The following RNF182 variants were observed in gnomAD, a reference collection of about 807,000 sequenced individuals.
The protein encoded by RNF182 is E3 ubiquitin-protein ligase RNF182.
Under a neutral mutation model 14.4 loss-of-function variants are expected in RNF182, and 15 were observed. That is an observed-to-expected ratio of 1.04 (90% confidence interval 0.70 to 1.60). The LOEUF is 1.60. Ranked by LOEUF, RNF182 falls within the 40% of genes most tolerant of loss-of-function variation. The pLI is 0.00. For missense variants in RNF182, 268 were observed against 294.8 expected (o/e 0.91, Z 0.67); for synonymous variants, 128 against 122.9 (o/e 1.04, Z -0.27).
At chr6:13,976,788 T>C in intron 2 of RNF182, 121 bp from the exon 3 acceptor site, 1 of 275,968 alleles carries the variant, frequency 3.6e-6, no homozygotes, top group Non-Finnish European at 6.8e-6. Flanking sequence ...ATGAAGGGGA[T>C]TTAACCTTTT....
chr6:13,977,748 C>T lies in RNF182; in HGVS notation c.629C>T (p.Thr210Ile), dbSNP rs1335403354. 2 of 1,614,126 alleles carry T rather than the reference C, an allele frequency of 1.2e-6. No individual in the cohort carries two copies. Among genetic ancestry groups the T allele is most frequent in the Non-Finnish European group, 1.7e-6 (2 of 1,180,022 alleles). ...TACTTACTGGTGTCTAAGAAAGTCA[C>T]CCTTGGGGTCGTCTTTGTCAGCCTG... ...GIYLLVSKKV[T>I]LGVVFVSLVP... The change falls in exon 3 of 3, where the codon ACC becomes ATC. Residue 210 changes from threonine (T) to isoleucine (I), a missense_variant. Transcript: ENST00000488300.
Position 13,977,323 on chromosome 6 carries a change from G to A in RNF182, c.204G>A (p.Arg68=), listed in dbSNP as rs749900858. The A allele has an allele frequency of 4.3e-6, 7 of 1,614,094 alleles. No homozygotes were observed. The East Asian group carries it at 1.3e-4, about 31-fold the overall frequency. The part of the protein sequence containing the change: ...PQGVIVCPFC[R]FETCLPDDEV... ...GTGTCATTGTCTGTCCTTTCTGCAG[G>A]TTTGAGACGTGCCTGCCAGATGATG... is the stretch of plus-strand genomic sequence containing the variant. The change falls in exon 3 of 3, where the codon AGG becomes AGA. Residue 68 remains arginine (R), a synonymous_variant. Transcript: ENST00000488300.
Position 13,977,483 on chromosome 6 carries a change from T to C in RNF182, c.364T>C (p.Ser122Pro), listed in dbSNP as rs967958358. The C allele has an allele frequency of 6.2e-7, 1 of 1,613,994 alleles. No homozygotes were observed. Among genetic ancestry groups the C allele is most frequent in the African/African-American group, 1.3e-5 (1 of 74,906 alleles). Reference sequence around the variant, plus strand: ...GAGGCTGGCCTCTCTGGTCAGTCCTTCTCACACGTCCTCCAACTGCCTGGT... The same window carrying C: ...GAGGCTGGCCTCTCTGGTCAGTCCTCCTCACACGTCCTCCAACTGCCTGGT... ...PKRLASLVSPSHTSSNCLVIT... is the reference protein window; with the variant it reads ...PKRLASLVSPPHTSSNCLVIT... Residue 122 changes from serine to proline, a missense_variant, in exon 3 of 3, where the codon TCT becomes CCT. Physicochemically the swap from Ser to Pro is moderately conservative, Grantham distance 74. Coordinates refer to ENST00000488300, the MANE Select transcript of RNF182 (RefSeq NM_152737.4).
At chr6:13,936,081 T>A (rs1195839596) in intron 1 of RNF182, among the ~76,000 whole-genome samples, 1 of 152,110 alleles carries the variant, frequency 6.6e-6, no homozygotes, top group Non-Finnish European at 1.5e-5. Flanking sequence ...GCACACACTT[T>A]CAAAGAACCA....
chr6:13,954,959 G>A (rs1410056333), intron 1 of RNF182, among the ~76,000 whole-genome samples: 1 of 152,178 alleles, frequency 6.6e-6, no homozygotes, highest in Non-Finnish European at 1.5e-5. Flanking sequence ...CCCTCCCTTT[G>A]TTGTGTGAAG....
chr6:13,955,463 G>A (rs557232692), intron 1 of RNF182, among the ~76,000 whole-genome samples: 2 of 152,302 alleles, frequency 1.3e-5, no homozygotes, highest in African/African-American at 4.8e-5. Context: ...GTTTCAGAGT[G>A]GGTTATGTTC....
rs1284625000 is a variant in RNF182 at position 13,979,692 on chromosome 6, G to T, written c.*1829G>T. The T allele has an allele frequency of 6.0e-6, 1 of 166,570 alleles. No individual in the cohort carries two copies. The highest frequency in any genetic ancestry group is 2.4e-5 in the African/African-American group (1 of 41,390). 10.3% of individuals were successfully genotyped at this position (166,570 alleles called of 1,614,324 possible). On this transcript the variant is annotated 3_prime_UTR_variant, in exon 3 of 3. Coordinates refer to ENST00000488300, the MANE Select transcript of RNF182 (RefSeq NM_152737.4). ...TGGTTTGGATTTATATATTTGTAAG[G>T]TTTTTTTAAAAAAATGTTCGTTTTG... is the stretch of plus-strand genomic sequence containing the variant.
At chr6:13,958,279 G>T (rs1430955111) in intron 1 of RNF182, among the ~76,000 whole-genome samples, 2 of 152,026 alleles carry the variant, frequency 1.3e-5, no homozygotes, top group African/African-American at 2.4e-5. Context: ...CTAGCTACTT[G>T]GGAGGCTGAA....
intron 1 of RNF182, among the ~76,000 whole-genome samples, chr6:13,962,090 C>T (rs145377088): frequency 3.9e-5 from 6 of 152,282 alleles, no homozygotes; most frequent in African/African-American, 1.4e-4. Context: ...TGTTAATGCT[C>T]ACTAAGGGAT....
intron 1 of RNF182, among the ~76,000 whole-genome samples, chr6:13,972,559 G>A (rs1760217502): frequency 6.6e-6 from 1 of 152,076 alleles, no homozygotes; most frequent in South Asian, 2.1e-4. Flanking sequence ...CCGGACCTAG[G>A]GCCTTGCTGC....
chr6:13,961,787 A>G (rs1759890803), intron 1 of RNF182, among the ~76,000 whole-genome samples: 1 of 152,134 alleles, frequency 6.6e-6, no homozygotes. Flanking sequence ...GGGGGGAGGT[A>G]AGAGTTTTAA....
At chr6:13,956,310 T>A (rs1759728960) in intron 1 of RNF182, among the ~76,000 whole-genome samples, 1 of 151,802 alleles carries the variant, frequency 6.6e-6, no homozygotes, top group South Asian at 2.1e-4. Context: ...GACTGTTCTT[T>A]GCTTTTTTTT....
intron 1 of RNF182, among the ~76,000 whole-genome samples, chr6:13,942,303 T>C (rs1352193605): frequency 3.3e-5 from 5 of 152,166 alleles, no homozygotes; most frequent in African/African-American, 9.7e-5. Context: ...TGCTTGGGGA[T>C]CATAGAGGTT....
intron 1 of RNF182, among the ~76,000 whole-genome samples, chr6:13,950,806 A>ATTT (rs770225110): frequency 6.0e-5 from 9 of 148,766 alleles, no homozygotes; most frequent in Non-Finnish European, 1.0e-4. Flanking sequence ...CTCCCCCTTT[A>ATTT]TTTTTTTTGA....
intron 1 of RNF182, among the ~76,000 whole-genome samples, chr6:13,973,952 A>G (rs2113649342): frequency 6.6e-6 from 1 of 152,270 alleles, no homozygotes; most frequent in East Asian, 1.9e-4. Context: ...ACTGAACATC[A>G]TGATTGTTGT....
intron 1 of RNF182, among the ~76,000 whole-genome samples, chr6:13,935,054 G>A (rs1435014650): frequency 1.3e-5 from 2 of 152,196 alleles, no homozygotes; most frequent in African/African-American, 2.4e-5. Flanking sequence ...AGGACTTTGT[G>A]TAGAGATGGT....
At chr6:13,955,973 C>T (rs1759718896) in intron 1 of RNF182, among the ~76,000 whole-genome samples, 1 of 152,144 alleles carries the variant, frequency 6.6e-6, no homozygotes, top group South Asian at 2.1e-4. Context: ...AACAGTTTTA[C>T]ATAATATTTA....
At chr6:13,945,404 C>T (rs563574075) in intron 1 of RNF182, among the ~76,000 whole-genome samples, 2 of 152,216 alleles carry the variant, frequency 1.3e-5, no homozygotes, top group East Asian at 1.9e-4. Context: ...TTGGAATTGC[C>T]CTTATGAGGA....
intron 1 of RNF182, among the ~76,000 whole-genome samples, chr6:13,941,383 T>C (rs1277892358): frequency 1.3e-5 from 2 of 152,158 alleles, no homozygotes; most frequent in Non-Finnish European, 2.9e-5. Flanking sequence ...GTTAGTTGGT[T>C]AGTGTTTGCA....
Sources: allele counts gnomAD v4.1 joint callset (sites outside exome capture counted in the v4.1 genomes callset), GRCh38; gene constraint gnomAD v4.1.1; transcripts MANE v1.5; gene names NCBI Gene and HGNC (gene_info 2026-07-23, HGNC 2026-07-21).